Variants in RSRC1 observed in about 807,000 individuals in gnomAD.
The protein encoded by RSRC1 is serine/Arginine-related protein 53.
A neutral mutation model predicts 49.1 loss-of-function variants in RSRC1; 39 were observed. The ratio of observed to expected loss-of-function variants is 0.79; its 90% CI spans 0.61 to 1.04. The LOEUF (loss-of-function observed/expected upper bound fraction) is 1.04, where lower values mean the gene tolerates loss of function less well. RSRC1 is among the 50% of genes least tolerant of loss of function. RSRC1 has a pLI of 0.00. For synonymous variants in RSRC1, 143 were observed against 130.8 expected, an observed-to-expected ratio of 1.09 and a Z score of -0.63; for missense variants, 388 against 402.4, an observed-to-expected ratio of 0.96 and a Z score of 0.31.
rs1469903435 is a variant in RSRC1, at chr3:158,286,027, CCTAA to C, written c.495-12009_495-12006del. Among the ~76,000 whole-genome samples the C allele has an allele frequency of 3.9e-5, 6 of 152,160 alleles. No individual in the cohort carries two copies. In the South Asian group the frequency reaches 8.3e-4, roughly 21 times the overall value. On this transcript the variant is annotated intron_variant, in intron 4 of 9. Coordinates refer to ENST00000611884, the MANE Select transcript of RSRC1 (RefSeq NM_001271838.2). ...TCTTTACTGTGCACTATAAAATTTT[CCTAA>C]CTGTTTAAATGTGTTAGCTATTTGT...
chr3:158,380,734 A>G (rs145589189), intron 6 of RSRC1, among the ~76,000 whole-genome samples: 139 of 152,264 alleles, frequency 9.1e-4, no homozygotes, highest in African/African-American at 3.2e-3. Flanking sequence ...AAAAAAATTA[A>G]GATACCTGTG....
intron 4 of RSRC1, among the ~76,000 whole-genome samples, chr3:158,284,138 T>C (rs1345289747): frequency 3.2e-4 from 48 of 150,162 alleles, no homozygotes; most frequent in Admixed American, 1.0e-3. Flanking sequence ...TGAGAATATG[T>C]GGTGTTTGGT....
chr3:158,485,367 A>G (rs1478639220), intron 7 of RSRC1, among the ~76,000 whole-genome samples: 4 of 152,114 alleles, frequency 2.6e-5, no homozygotes, highest in African/African-American at 4.8e-5. Context: ...ATATTTTATT[A>G]TATACACAAA....
intron 6 of RSRC1, among the ~76,000 whole-genome samples, chr3:158,424,743 G>C (rs1052609788): frequency 1.3e-5 from 2 of 152,060 alleles, no homozygotes; most frequent in Non-Finnish European, 2.9e-5. Context: ...ATTGATTATT[G>C]CCACAATTTC....
chr3:158,200,978 A>G (rs1454183346), intron 3 of RSRC1, among the ~76,000 whole-genome samples: 1 of 152,100 alleles, frequency 6.6e-6, no homozygotes, highest in Non-Finnish European at 1.5e-5. Flanking sequence ...CCATGCTTTC[A>G]TCTGTTGTCA....
intron 3 of RSRC1, among the ~76,000 whole-genome samples, chr3:158,138,376 G>A (rs1005798476): frequency 1.3e-5 from 2 of 152,176 alleles, no homozygotes; most frequent in African/African-American, 4.8e-5. Flanking sequence ...TTTTGGTTGA[G>A]GTGATTTTGT....
intron 7 of RSRC1, among the ~76,000 whole-genome samples, chr3:158,508,356 T>G (rs545494432): frequency 1.3e-5 from 2 of 152,182 alleles, no homozygotes; most frequent in East Asian, 3.9e-4. Flanking sequence ...CTTTTGTGTG[T>G]GTGTCTCTGT....
chr3:158,167,314 G>A (rs534766133), intron 3 of RSRC1, among the ~76,000 whole-genome samples: 1 of 152,080 alleles, frequency 6.6e-6, no homozygotes, highest in Non-Finnish European at 1.5e-5. Flanking sequence ...AGCTTCCTGA[G>A]TAGCTGGGAC....
At chr3:158,499,312 G>A (rs1739489505) in intron 7 of RSRC1, among the ~76,000 whole-genome samples, 1 of 152,156 alleles carries the variant, frequency 6.6e-6, no homozygotes, top group South Asian at 2.1e-4. Flanking sequence ...GGGAGGTGGA[G>A]CTTGCAGTGA....
At chr3:158,424,711 G>C (rs1039692355) in intron 6 of RSRC1, among the ~76,000 whole-genome samples, 1 of 151,874 alleles carries the variant, frequency 6.6e-6, no homozygotes, top group African/African-American at 2.4e-5. Context: ...TCTGGTCCTG[G>C]ACCCTTTTTG....
intron 3 of RSRC1, among the ~76,000 whole-genome samples, chr3:158,170,952 A>G (rs1487514694): frequency 6.6e-6 from 1 of 152,160 alleles, no homozygotes; most frequent in Non-Finnish European, 1.5e-5. Flanking sequence ...CAGCACAGGT[A>G]GCTCAGACTC....
intron 3 of RSRC1, among the ~76,000 whole-genome samples, chr3:158,194,039 G>C (rs963454969): frequency 6.7e-6 from 1 of 148,430 alleles, no homozygotes; most frequent in Non-Finnish European, 1.5e-5. Flanking sequence ...GGGCAAAATA[G>C]TGAGACCCCG....
At chr3:158,263,917 G>T (rs538024240) in intron 4 of RSRC1, among the ~76,000 whole-genome samples, 13 of 152,032 alleles carry the variant, frequency 8.6e-5, no homozygotes, top group African/African-American at 3.1e-4. Flanking sequence ...GTAATTTGTT[G>T]TTACTGCTTT....
At chr3:158,143,412 A>G (rs768709271) in intron 3 of RSRC1, among the ~76,000 whole-genome samples, 1 of 152,204 alleles carries the variant, frequency 6.6e-6, no homozygotes, top group African/African-American at 2.4e-5. Context: ...CCTAGGAGAT[A>G]GCATGATGTG....
chr3:158,281,381 A>G (rs1726158558), intron 4 of RSRC1, among the ~76,000 whole-genome samples: 1 of 152,082 alleles, frequency 6.6e-6, no homozygotes, highest in African/African-American at 2.4e-5. Context: ...CAACAGGGTA[A>G]ATGAATCTGG....
chr3:158,458,328 T>C lies in RSRC1; in HGVS notation c.584-2607T>C, dbSNP rs1737449202. ...CCTCTGCAGCAAAAATAGAAAAAAA[T>C]GGTCAAATGTGTTATAGGTTGTTAC... On this transcript the variant is annotated intron_variant, in intron 6 of 9. Transcript: ENST00000611884. Among the ~76,000 whole-genome samples the C allele has an allele frequency of 3.3e-5, 5 of 151,984 alleles. No individual in the cohort carries two copies. The South Asian group carries it at 8.3e-4, about 25-fold the overall frequency.
At chr3:158,375,011 C>T (rs552597893) in intron 6 of RSRC1, among the ~76,000 whole-genome samples, 1 of 151,914 alleles carries the variant, frequency 6.6e-6, no homozygotes. Context: ...GTCGTTATTT[C>T]GCAGTTTTGC....
At chr3:158,198,671 G>A (rs864876) in intron 3 of RSRC1, among the ~76,000 whole-genome samples, 7 of 151,834 alleles carry the variant, frequency 4.6e-5, no homozygotes, top group South Asian at 2.1e-4. Flanking sequence ...ACCCACTGTC[G>A]TGCACCCACT....
chr3:158,478,644 C>T (rs927590570), intron 7 of RSRC1, among the ~76,000 whole-genome samples: 1 of 151,852 alleles, frequency 6.6e-6, no homozygotes, highest in African/African-American at 2.4e-5. Flanking sequence ...ACTTTTATAA[C>T]CTCCCCCTCC....
Sources: allele counts gnomAD v4.1 joint callset (sites outside exome capture counted in the v4.1 genomes callset), GRCh38; gene constraint gnomAD v4.1.1; transcripts MANE v1.5; gene names NCBI Gene and HGNC (gene_info 2026-07-23, HGNC 2026-07-21).